Variants in RPS6KC1 observed in about 807,000 individuals in gnomAD.
RPS6KC1 encodes the protein ribosomal protein S6 kinase C1.
In RPS6KC1, 54 loss-of-function variants were observed where a neutral mutation model predicts 103.8. The ratio of observed to expected loss-of-function variants is 0.52; its 90% CI spans 0.42 to 0.65. The LOEUF (loss-of-function observed/expected upper bound fraction) is 0.65. Ranked by LOEUF, RPS6KC1 falls within the 30% of genes least tolerant of loss-of-function variation. RPS6KC1 has a pLI of 0.00. For missense variants in RPS6KC1, 1,151 were observed against 1,253.8 expected, an observed-to-expected ratio of 0.92 and a Z score of 1.24; for synonymous variants, 439 against 438.7, an observed-to-expected ratio of 1.00 and a Z score of -0.01.
At chr1:213,640,528 A>G in the RPS6KC1 span, among the ~76,000 whole-genome samples, 3 of 151,432 alleles carry the variant, frequency 2.0e-5, no homozygotes, top group Admixed American at 1.3e-4. Context: ...TTCTAATACC[A>G]TATAGGCATT....
chr1:213,712,491 C>A, the RPS6KC1 span, among the ~76,000 whole-genome samples: 8 of 152,196 alleles, frequency 5.3e-5, no homozygotes. Context: ...CACTTGGCTC[C>A]CTGGCTTCAG....
At chr1:213,506,748 C>G in the RPS6KC1 span, among the ~76,000 whole-genome samples, 100 of 152,294 alleles carry the variant, frequency 6.6e-4, 1 homozygote, top group East Asian at 0.018. Flanking sequence ...TCTTAATTAG[C>G]TAGCTAGTTA....
chr1:213,761,940 T>G, the RPS6KC1 span, among the ~76,000 whole-genome samples: 1 of 152,166 alleles, frequency 6.6e-6, no homozygotes, highest in East Asian at 1.9e-4. Flanking sequence ...TTCAGATATA[T>G]CTAGATTTGA....
chr1:213,277,302 C>T (rs974924292), downstream of RPS6KC1, among the ~76,000 whole-genome samples: 1 of 152,140 alleles, frequency 6.6e-6, no homozygotes, highest in Non-Finnish European at 1.5e-5. Flanking sequence ...ATTTATGATC[C>T]TGCTGGTGAT....
the RPS6KC1 span, among the ~76,000 whole-genome samples, chr1:213,805,879 C>T: frequency 1.3e-5 from 2 of 152,240 alleles, no homozygotes; most frequent in African/African-American, 2.4e-5. Flanking sequence ...GATTCACAGG[C>T]TGGACAATGA....
the RPS6KC1 span, among the ~76,000 whole-genome samples, chr1:213,734,440 C>T: frequency 2.8e-4 from 23 of 80,866 alleles, no homozygotes; most frequent in East Asian, 4.9e-4. Context: ...CAAGGCCTCC[C>T]GCCAAAAAAT....
chr1:213,767,592 G>A, the RPS6KC1 span, among the ~76,000 whole-genome samples: 12 of 152,170 alleles, frequency 7.9e-5, no homozygotes, highest in African/African-American at 2.2e-4. Context: ...TAGGCCCTGC[G>A]GGTACAGAGG....
intron 8 of RPS6KC1, among the ~76,000 whole-genome samples, chr1:213,178,842 G>A (rs944358708): frequency 6.6e-6 from 1 of 151,962 alleles, no homozygotes; most frequent in African/African-American, 2.4e-5. Context: ...AGCCTCCTGA[G>A]TAGCTGGGAT....
the RPS6KC1 span, among the ~76,000 whole-genome samples, chr1:213,473,956 CT>C: frequency 6.6e-6 from 1 of 152,134 alleles, no homozygotes; most frequent in Admixed American, 6.6e-5. Flanking sequence ...GACCTTAGAC[CT>C]GTTGTCAGGT....
At chr1:213,480,292 T>G in the RPS6KC1 span, among the ~76,000 whole-genome samples, 2 of 152,066 alleles carry the variant, frequency 1.3e-5, no homozygotes, top group Non-Finnish European at 2.9e-5. Context: ...TAATAATGCT[T>G]TATGTATTTC....
At chr1:213,388,247 C>T in the RPS6KC1 span, among the ~76,000 whole-genome samples, 3 of 152,268 alleles carry the variant, frequency 2.0e-5, no homozygotes, top group Non-Finnish European at 4.4e-5. Flanking sequence ...GCAGCCACCA[C>T]TGCCCTTGGA....
the RPS6KC1 span, among the ~76,000 whole-genome samples, chr1:213,754,160 G>A: frequency 2.0e-5 from 3 of 152,200 alleles, no homozygotes; most frequent in Non-Finnish European, 4.4e-5. Context: ...CAATACATTT[G>A]CTCATAGTCC....
chr1:213,116,984 C>G (rs915567703), intron 4 of RPS6KC1, among the ~76,000 whole-genome samples: 2 of 152,086 alleles, frequency 1.3e-5, no homozygotes, highest in Non-Finnish European at 2.9e-5. Flanking sequence ...CTGCTCTTAA[C>G]ATTTTTTGAA....
chr1:213,183,247 A>G (rs1329758278), intron 8 of RPS6KC1, among the ~76,000 whole-genome samples: 1 of 152,168 alleles, frequency 6.6e-6, no homozygotes, highest in East Asian at 1.9e-4. Context: ...TCAAAAACTG[A>G]TAAAACGGTT....
At chr1:213,637,945 T>G in the RPS6KC1 span, among the ~76,000 whole-genome samples, 1 of 152,046 alleles carries the variant, frequency 6.6e-6, no homozygotes, top group South Asian at 2.1e-4. Flanking sequence ...GCCTCCCAAG[T>G]AGCTGGGACT....
the RPS6KC1 span, among the ~76,000 whole-genome samples, chr1:213,440,487 A>G: frequency 2.0e-5 from 3 of 151,108 alleles, no homozygotes; most frequent in Non-Finnish European, 2.9e-5. Context: ...TAAACAAGTA[A>G]CTCTCTTATG....
intron 12 of RPS6KC1, among the ~76,000 whole-genome samples, chr1:213,261,166 A>G (rs1337985321): frequency 6.6e-6 from 1 of 152,208 alleles, no homozygotes; most frequent in Non-Finnish European, 1.5e-5. Flanking sequence ...GATAATTTTT[A>G]AAGTTCCTTT....
At chr1:213,665,978 T>C in the RPS6KC1 span, among the ~76,000 whole-genome samples, 1 of 152,242 alleles carries the variant, frequency 6.6e-6, no homozygotes. Context: ...TAGACAACTA[T>C]ATATTTGTTA....
chr1:213,168,179 CT>C (rs932510015), intron 7 of RPS6KC1, among the ~76,000 whole-genome samples: 5 of 152,196 alleles, frequency 3.3e-5, no homozygotes, highest in African/African-American at 9.6e-5. Flanking sequence ...TTTTCTTGGT[CT>C]TTTATTAGTT....
Sources: allele counts gnomAD v4.1 joint callset (sites outside exome capture counted in the v4.1 genomes callset), GRCh38; gene constraint gnomAD v4.1.1; transcripts MANE v1.5; gene names NCBI Gene and HGNC (gene_info 2026-07-23, HGNC 2026-07-21).